The following PWWP3B variants were observed in gnomAD, a reference collection of about 807,000 sequenced individuals.
PWWP3B encodes PWWP domain-containing DNA repair factor 3B.
A neutral mutation model predicts 15.7 loss-of-function variants in PWWP3B; 5 were observed. That is an observed-to-expected ratio of 0.32 (90% confidence interval 0.17 to 0.67). PWWP3B has a LOEUF of 0.67. Among genes scored for constraint, PWWP3B ranks in the 30% least tolerant of loss-of-function variants. PWWP3B has a pLI of 0.74. For missense variants in PWWP3B, 519 were observed against 493.1 expected (o/e 1.05, Z -0.50); for synonymous variants, 203 against 179.8 (o/e 1.13, Z -1.03).
chrX:106,189,594 G>T, intron 2 of PWWP3B, among the ~76,000 whole-genome samples: 1 of 106,147 alleles, frequency 9.4e-6, no homozygotes, highest in African/African-American at 3.4e-5. Context: ...ATTCCATGGT[G>T]TATATGTGCC....
chrX:106,193,192 C>T (rs2147619016), intron 2 of PWWP3B, among the ~76,000 whole-genome samples: 1 of 111,288 alleles, frequency 9.0e-6, no homozygotes, highest in African/African-American at 3.3e-5. Context: ...TCGTAGGTCA[C>T]TAAGGACTTG....
At position 106,207,014 on chromosome X, in the gene PWWP3B, G is replaced by A. The variant is rs1924075517; in HGVS notation, c.1582G>A (p.Val528Ile). 8.3e-7 allele frequency: 1 copy of A among 1,208,212 alleles called. No homozygotes were observed. The highest frequency in any genetic ancestry group is 1.7e-5 in the African/African-American group (1 of 57,208). Residue 528 changes from valine (V) to isoleucine (I), a missense_variant, in exon 4 of 4, where the codon GTA becomes ATA. Val to Ile is a conservative substitution (Grantham distance 29). Transcript: ENST00000357175. The stretch of plus-strand genomic sequence containing the variant: ...TGAAGATGCCAGGGAACCGATGGCT[G>A]TAACTTCCCAGACCAAGAAAATGTC... ...HNEDAREPMA[V>I]TSQTKKMSFQ...
At chrX:106,182,895 C>T (rs2147598049) in intron 2 of PWWP3B, among the ~76,000 whole-genome samples, 1 of 111,301 alleles carries the variant, frequency 9.0e-6, no homozygotes, top group South Asian at 3.8e-4. Context: ...GGGGTTTTTC[C>T]TCAGGATCAG....
chrX:106,194,780 G>A (rs1369802002), intron 2 of PWWP3B, among the ~76,000 whole-genome samples: 1 of 112,034 alleles, frequency 8.9e-6, no homozygotes, highest in African/African-American at 3.2e-5. Flanking sequence ...TCAGCTGCAG[G>A]TCTGTTGGAG....
chrX:106,205,619 A>G lies in PWWP3B; in HGVS notation c.187A>G (p.Ile63Val). The G allele has an allele frequency of 8.3e-7, 1 of 1,208,937 alleles. No homozygotes were observed. The highest frequency in any genetic ancestry group is 1.1e-6 in the Non-Finnish European group (1 of 894,228). The change falls in exon 4 of 4, where the codon ATT becomes GTT. Residue 63 changes from isoleucine to valine, a missense_variant. Coordinates refer to ENST00000357175, the MANE Select transcript of PWWP3B (RefSeq NM_001171020.2). ...TETKILNKSQIEAIAASLGLQ... is the reference protein window; with the variant it reads ...TETKILNKSQVEAIAASLGLQ... The stretch of plus-strand genomic sequence containing the variant: ...AACAAAGATCCTAAATAAATCTCAA[A>G]TTGAAGCCATTGCTGCCTCATTAGG...
chrX:106,197,636 T>C (rs1043920821), intron 2 of PWWP3B, among the ~76,000 whole-genome samples: 2 of 112,486 alleles, frequency 1.8e-5, no homozygotes, highest in African/African-American at 6.5e-5. Context: ...AGTGTGTACG[T>C]GTTGGGGTTC....
chrX:106,203,256 C>T (rs1020647075), intron 2 of PWWP3B, among the ~76,000 whole-genome samples: 14 of 111,562 alleles, frequency 1.3e-4, no homozygotes, highest in Admixed American at 1.1e-3. Flanking sequence ...CTTTTTGCAT[C>T]TTCTCAATTT....
intron 2 of PWWP3B, among the ~76,000 whole-genome samples, chrX:106,189,913 G>A (rs763738097): frequency 2.3e-4 from 26 of 112,329 alleles, no homozygotes; most frequent in African/African-American, 2.6e-4. Context: ...CACCGCGCCC[G>A]GCGCCACATT....
chrX:106,197,387 A>G (rs66532920), intron 2 of PWWP3B, among the ~76,000 whole-genome samples: 14,163 of 110,836 alleles, frequency 0.13, 780 homozygotes, highest in South Asian at 0.34. Flanking sequence ...CCCTTCCACC[A>G]GAAGCAAGGG....
chrX:106,172,708 A>T (rs1422024629), intron 2 of PWWP3B, among the ~76,000 whole-genome samples: 3 of 111,091 alleles, frequency 2.7e-5, no homozygotes, highest in African/African-American at 9.8e-5. Context: ...TTTTTTTTCT[A>T]AGTAGAAGGA....
In PWWP3B at chrX:106,205,305, C is replaced by G. The variant is rs971950480; in HGVS notation, c.-128C>G. 17 of 647,159 alleles carry G rather than the reference C, an allele frequency of 2.6e-5. No homozygotes were observed. The highest frequency in any genetic ancestry group is 8.8e-4 in the Middle Eastern group (2 of 2,263). 53.3% of individuals were successfully genotyped at this position (647,159 alleles called of 1,213,427 possible). A position where few individuals can be genotyped will look rare whatever the true frequency, so the allele number is the denominator to read the frequency against. On this transcript the variant is annotated 5_prime_UTR_variant, in exon 4 of 4. Transcript: ENST00000357175. The stretch of plus-strand genomic sequence containing the variant: ...AGAACAGGCCACACAAGCTGTAAAC[C>G]CTTTGTAGTCATAAGACGAAAGAGG...
At chrX:106,202,713 T>C (rs1453026000) in intron 2 of PWWP3B, among the ~76,000 whole-genome samples, 2 of 111,997 alleles carry the variant, frequency 1.8e-5, no homozygotes, top group African/African-American at 3.3e-5. Context: ...CAAAATATTA[T>C]ATGGCATGGT....
At chrX:106,201,745 G>C (rs1360064680) in intron 2 of PWWP3B, 1 of 111,618 alleles carries the variant, frequency 9.0e-6, no homozygotes, top group African/African-American at 3.3e-5. Context: ...ATTTCACCAG[G>C]CTGCAGCTGA....
intron 2 of PWWP3B, among the ~76,000 whole-genome samples, chrX:106,195,739 G>T (rs1169033286): frequency 9.0e-6 from 1 of 111,615 alleles, no homozygotes; most frequent in African/African-American, 3.3e-5. Context: ...TCTAACTTTT[G>T]TATTTTTTTC....
chrX:106,200,009 G>T (rs151058451), intron 2 of PWWP3B, among the ~76,000 whole-genome samples: 1,789 of 111,664 alleles, frequency 0.016, 33 homozygotes, highest in African/African-American at 0.056. Context: ...TTCTCCTGGG[G>T]TCACAGGGAG....
At chrX:106,178,231 A>G (rs1237273345) in intron 2 of PWWP3B, among the ~76,000 whole-genome samples, 1 of 111,886 alleles carries the variant, frequency 8.9e-6, no homozygotes, top group Non-Finnish European at 1.9e-5. Context: ...TTTCTATATC[A>G]TCTAAGTGTA....
intron 2 of PWWP3B, among the ~76,000 whole-genome samples, chrX:106,190,516 T>A (rs1922857770): frequency 8.9e-6 from 1 of 111,821 alleles, no homozygotes; most frequent in Admixed American, 9.5e-5. Context: ...CTGATGGTAG[T>A]TTCTTTTGCT....
intron 2 of PWWP3B, 37 bp from the exon 3 acceptor site, chrX:106,203,948 T>G (rs1923845905): frequency 8.9e-6 from 1 of 112,372 alleles, no homozygotes; most frequent in Non-Finnish European, 1.9e-5. Flanking sequence ...ACTTTTCCCA[T>G]TTCGTTGGTT....
chrX:106,192,373 G>C (rs1323094416), intron 2 of PWWP3B, among the ~76,000 whole-genome samples: 1 of 111,251 alleles, frequency 9.0e-6, no homozygotes, highest in East Asian at 2.8e-4. Context: ...TATTTCTGTG[G>C]GATGGGTGGT....
Sources: allele counts gnomAD v4.1 joint callset (sites outside exome capture counted in the v4.1 genomes callset), GRCh38; gene constraint gnomAD v4.1.1; transcripts MANE v1.5; gene names NCBI Gene and HGNC (gene_info 2026-07-23, HGNC 2026-07-21).